Variants in ARMH3 observed in about 807,000 individuals in gnomAD.
ARMH3 encodes armadillo-like helical domain-containing protein 3.
ARMH3 carries 60 observed loss-of-function variants against 99.1 expected under a neutral mutation model. The observed-to-expected ratio is 0.61, with a 90% CI of 0.49 to 0.75. ARMH3 has a LOEUF of 0.75. Ranked by LOEUF, ARMH3 falls within the 30% of genes least tolerant of loss-of-function variation. The probability of loss-of-function intolerance (pLI) is 0.00; values close to 1 mark genes in which losing one functional copy is unlikely to be tolerated. For missense variants in ARMH3, 679 were observed against 843.1 expected, an observed-to-expected ratio of 0.81 and a Z score of 2.41; for synonymous variants, 285 against 292.8, an observed-to-expected ratio of 0.97 and a Z score of 0.27.
intron 24 of ARMH3, among the ~76,000 whole-genome samples, chr10:101,871,925 C>T (rs2067139903): frequency 6.6e-6 from 1 of 151,524 alleles, no homozygotes; most frequent in Non-Finnish European, 1.5e-5. Flanking sequence ...TGCTTGAACC[C>T]GGAGGCAGAG....
chr10:102,009,658 T>C (rs1442098382), intron 12 of ARMH3, among the ~76,000 whole-genome samples: 1 of 152,228 alleles, frequency 6.6e-6, no homozygotes, highest in African/African-American at 2.4e-5. Flanking sequence ...GGACCAGTTC[T>C]CATCTACTTC....
chr10:101,972,609 G>C (rs1444164112), intron 20 of ARMH3, among the ~76,000 whole-genome samples: 3 of 152,206 alleles, frequency 2.0e-5, no homozygotes, highest in Admixed American at 1.3e-4. Flanking sequence ...TGTATTCACA[G>C]AATGCAATAT....
chr10:102,009,610 G>T (rs955515015), intron 12 of ARMH3, among the ~76,000 whole-genome samples, 161 bp from the exon 13 acceptor site: 1 of 152,216 alleles, frequency 6.6e-6, no homozygotes, highest in African/African-American at 2.4e-5. Flanking sequence ...ATGCAAAAGT[G>T]TATAGGCAGG....
At chr10:101,890,440 G>A (rs564582446) in intron 23 of ARMH3, among the ~76,000 whole-genome samples, 4 of 152,012 alleles carry the variant, frequency 2.6e-5, no homozygotes, top group Non-Finnish European at 4.4e-5. Context: ...GTAGAAACAC[G>A]GTTTTGCCAT....
chr10:101,878,776 A>G (rs754377914), intron 24 of ARMH3, among the ~76,000 whole-genome samples: 80 of 152,070 alleles, frequency 5.3e-4, no homozygotes, highest in Non-Finnish European at 9.1e-4. Context: ...GCAGTGAGCT[A>G]TAATTGTGTT....
chr10:101,892,099 G>A (rs2135455243), intron 23 of ARMH3, among the ~76,000 whole-genome samples: 1 of 151,948 alleles, frequency 6.6e-6, no homozygotes, highest in South Asian at 2.1e-4. Flanking sequence ...GTGACATAGT[G>A]AAACCCTGTC....
At chr10:101,986,934 T>C (rs750462291) in intron 19 of ARMH3, among the ~76,000 whole-genome samples, 6 of 152,038 alleles carry the variant, frequency 3.9e-5, no homozygotes, top group Non-Finnish European at 8.8e-5. Context: ...GGCAGTAAAT[T>C]AAGGAGCAGG....
chr10:101,865,425 C>G (rs1215281201), intron 24 of ARMH3, among the ~76,000 whole-genome samples: 1 of 151,990 alleles, frequency 6.6e-6, no homozygotes, highest in Non-Finnish European at 1.5e-5. Flanking sequence ...TGTAAGCAAA[C>G]GTAAAGAGGC....
chr10:101,943,893 T>C (rs1241382733), intron 22 of ARMH3, among the ~76,000 whole-genome samples: 1 of 150,994 alleles, frequency 6.6e-6, no homozygotes, highest in East Asian at 2.0e-4. Context: ...TGAAACTCCG[T>C]CTCTACTAAA....
chr10:101,868,731 T>A (rs1030880777), intron 24 of ARMH3, among the ~76,000 whole-genome samples: 4 of 152,216 alleles, frequency 2.6e-5, no homozygotes, highest in Non-Finnish European at 5.9e-5. Context: ...GAGTACAGTA[T>A]ATAATACATA....
intron 24 of ARMH3, among the ~76,000 whole-genome samples, chr10:101,861,225 G>A (rs552299195): frequency 6.6e-6 from 1 of 152,164 alleles, no homozygotes; most frequent in South Asian, 2.1e-4. Flanking sequence ...ATTATGTATA[G>A]AGGAACAAAG....
intron 23 of ARMH3, among the ~76,000 whole-genome samples, chr10:101,916,356 AC>A (rs1843086685): frequency 6.6e-6 from 1 of 151,518 alleles, no homozygotes; most frequent in African/African-American, 2.4e-5. Flanking sequence ...TCAGCAACCT[AC>A]CCCCCACCCC....
intron 23 of ARMH3, among the ~76,000 whole-genome samples, chr10:101,900,600 C>A (rs936552260): frequency 2.0e-5 from 3 of 152,172 alleles, no homozygotes; most frequent in Admixed American, 6.5e-5. Context: ...CCCAATTAAT[C>A]AATTTATTAT....
intron 23 of ARMH3, among the ~76,000 whole-genome samples, chr10:101,917,866 T>A (rs146652984): frequency 3.3e-4 from 50 of 152,318 alleles, no homozygotes; most frequent in African/African-American, 1.2e-3. Context: ...CTGTTCCTCA[T>A]CAGCACCCTG....
At chr10:102,004,459 A>G (rs1042081364) in intron 14 of ARMH3, among the ~76,000 whole-genome samples, 11 of 152,174 alleles carry the variant, frequency 7.2e-5, no homozygotes, top group African/African-American at 2.7e-4. Context: ...CAGTCATTTG[A>G]AAGTGGGCTG....
chr10:102,041,090 A>ATATAATAT (rs1554897209), intron 1 of ARMH3, among the ~76,000 whole-genome samples: 24 of 132,638 alleles, frequency 1.8e-4, no homozygotes, highest in Admixed American at 1.5e-3. Context: ...ATATATATAT[A>ATATAATAT]ATATATATAT....
intron 1 of ARMH3, among the ~76,000 whole-genome samples, chr10:102,055,572 C>G (rs1195806889): frequency 6.6e-6 from 1 of 152,196 alleles, no homozygotes; most frequent in African/African-American, 2.4e-5. Context: ...TTCACTGATT[C>G]CGTGTGAAGA....
At chr10:101,961,925 G>A (rs1023535844) in intron 20 of ARMH3, among the ~76,000 whole-genome samples, 1 of 152,192 alleles carries the variant, frequency 6.6e-6, no homozygotes, top group African/African-American at 2.4e-5. Context: ...GAAGATATGA[G>A]GGACAGGATG....
At chr10:101,943,996 G>A (rs1210321855) in intron 22 of ARMH3, among the ~76,000 whole-genome samples, 8 of 150,030 alleles carry the variant, frequency 5.3e-5, no homozygotes, top group Non-Finnish European at 7.4e-5. Context: ...CCTGGGAGGC[G>A]GAGCTTGCAG....
Sources: gnomAD v4.1 joint callset for allele counts (sites outside exome capture counted in the v4.1 genomes callset) on GRCh38, gnomAD v4.1.1 for gene constraint, MANE v1.5 for transcripts, NCBI Gene and HGNC (gene_info 2026-07-23, HGNC 2026-07-21) for gene names.